Variants in TAL1 observed in about 807,000 individuals in gnomAD.
TAL1 encodes T-cell acute lymphocytic leukemia protein 1.
In TAL1, 8 loss-of-function variants were observed where a neutral mutation model predicts 17.9. The ratio of observed to expected loss-of-function variants is 0.45; its 90% CI spans 0.26 to 0.81. The LOEUF (loss-of-function observed/expected upper bound fraction) is 0.81, where lower values mean the gene tolerates loss of function less well. Among genes scored for constraint, TAL1 ranks in the 30% least tolerant of loss-of-function variants. The pLI, the probability that TAL1 is intolerant of heterozygous loss-of-function variation, is 0.17. For synonymous variants in TAL1, 223 were observed against 218.6 expected (o/e 1.02, Z -0.18); for missense variants, 466 against 486.9 (o/e 0.96, Z 0.40).
chr1:47,231,604 A>G (rs999346072), upstream of TAL1: 1 of 233,940 alleles, frequency 4.3e-6, no homozygotes, highest in Admixed American at 5.6e-5. Flanking sequence ...CACGCCCGAC[A>G]TAACGACGAC....
upstream of TAL1, chr1:47,231,700 C>T (rs867411329): frequency 1.5e-4 from 34 of 233,776 alleles, no homozygotes; most frequent in African/African-American, 7.3e-4. Context: ...CACAATCGTA[C>T]GCAACGAAGA....
chr1:47,230,525 G>C (rs868162737), upstream of TAL1: 11 of 152,102 alleles, frequency 7.2e-5, no homozygotes, highest in African/African-American at 2.7e-4. Flanking sequence ...GCGTGTTCGC[G>C]GGGGGTTAAT....
exon 4 of TAL1, chr1:47,216,829 T>C (rs1645504833): frequency 4.3e-6 from 1 of 231,474 alleles, no homozygotes; most frequent in Non-Finnish European, 8.5e-6. Flanking sequence ...TCTTTCCCCT[T>C]TGTACAGATG....
chr1:47,231,391 A>G (rs1472298070), upstream of TAL1, among the ~76,000 whole-genome samples: 3 of 146,410 alleles, frequency 2.0e-5, no homozygotes, highest in Non-Finnish European at 4.5e-5. Context: ...CGCACCTCTA[A>G]AGGACACAGG....
rs183583557 is a variant in TAL1 at position 47,226,290 on chromosome 1, G to C, written c.-1-401C>G. ...TCCCCTTTCTCAGGCCTAAAGGGAA[G>C]AGGAGGGAACAAATTCCGGATCGTG... is the stretch of plus-strand genomic sequence containing the variant. On this transcript the variant is annotated intron_variant, in intron 1 of 3. Coordinates refer to ENST00000294339, the Ensembl canonical transcript of TAL1. The C allele has an allele frequency of 3.7e-3, 674 of 181,378 alleles. 2 individuals carry two copies. The highest frequency in any genetic ancestry group is 6.0e-3 in the Non-Finnish European group (526 of 87,622). The allele number at this position is 181,378 out of a possible 1,614,324, so 11.2% of individuals were successfully genotyped here.
exon 4 of TAL1, chr1:47,217,734 A>G (rs1645525830): frequency 5.0e-6 from 2 of 398,634 alleles, no homozygotes; most frequent in Non-Finnish European, 8.8e-6. Flanking sequence ...CATCTCATAA[A>G]ACCCATCCAC....
At chr1:47,227,326 C>G (rs2148593760) in intron 1 of TAL1, 2 of 152,316 alleles carry the variant, frequency 1.3e-5, no homozygotes, top group Admixed American at 1.3e-4. Context: ...GCTTTCTGCT[C>G]TCTGAATTAT....
At chr1:47,219,739 T>A in exon 4 of TAL1, 1 of 1,610,074 alleles carries the variant, frequency 6.2e-7, no homozygotes, top group Non-Finnish European at 8.5e-7. Flanking sequence ...GCCGGCTCCA[T>A]CGGCGGCAGG....
At chr1:47,223,758 C>G (rs74074032) in intron 3 of TAL1, 1 of 461,262 alleles carries the variant, frequency 2.2e-6, no homozygotes, top group Non-Finnish European at 3.9e-6. Flanking sequence ...TTGGGCTAAG[C>G]GCCATTATGT....
At chr1:47,227,300 A>G (rs561151160) in intron 1 of TAL1, 4 of 152,362 alleles carry the variant, frequency 2.6e-5, no homozygotes, top group Middle Eastern at 3.4e-3. Flanking sequence ...AACACCACAT[A>G]AGTTGTTTAA....
chr1:47,221,130 T>A (rs1400595586), intron 3 of TAL1, among the ~76,000 whole-genome samples: 1 of 152,166 alleles, frequency 6.6e-6, no homozygotes. Context: ...GGGGGGACTT[T>A]ATCCTAAGGG....
At chr1:47,218,488 C>T (rs1159378376) in exon 4 of TAL1, 1 of 232,700 alleles carries the variant, frequency 4.3e-6, no homozygotes. Context: ...TTGCATTAAA[C>T]CAACCTCCCA....
At chr1:47,219,137 A>C (rs1397675266) in exon 4 of TAL1, 1 of 421,094 alleles carries the variant, frequency 2.4e-6, no homozygotes, top group Non-Finnish European at 4.5e-6. Context: ...CAGACTGTCC[A>C]CTGATCATCT....
At chr1:47,219,108 C>T (rs1400846968) in exon 4 of TAL1, 12 of 349,866 alleles carry the variant, frequency 3.4e-5, no homozygotes, top group East Asian at 1.3e-4. Flanking sequence ...CCTGACCCTC[C>T]GGCCCAGCTC....
chr1:47,228,102 G>A (rs777823911), intron 1 of TAL1: 1 of 155,296 alleles, frequency 6.4e-6, no homozygotes, highest in African/African-American at 2.4e-5. Context: ...ATTGACCCTG[G>A]CCACAAATGT....
rs77827673 is a variant in TAL1, at chr1:47,228,760, G to C, written c.-2+436C>G. 7.0e-3 allele frequency: 1,125 copies of C among 160,454 alleles called. 12 individuals are homozygous for C. Among genetic ancestry groups the C allele is most frequent in the African/African-American group, 0.025 (1,026 of 41,848 alleles). 9.9% of individuals were successfully genotyped at this position (160,454 alleles called of 1,614,324 possible). On this transcript the variant is annotated intron_variant, in intron 1 of 3. Coordinates refer to ENST00000294339, the Ensembl canonical transcript of TAL1. ...CCATCCTCGCCTCTACCGGAGAAGA[G>C]GGGTGTTCCTGCCTCCCCACCCTAG...
At chr1:47,225,623 G>A in exon 2 of TAL1, 1 of 1,382,134 alleles carries the variant, frequency 7.2e-7, no homozygotes, top group Middle Eastern at 2.6e-4. Context: ...CTCGGTGGTG[G>A]GCACCCGATG....
At chr1:47,229,992 C>T (rs1051009950), upstream of TAL1, 4 of 152,170 alleles carry the variant, frequency 2.6e-5, no homozygotes, top group African/African-American at 9.7e-5. Flanking sequence ...TGTTCAGGTC[C>T]TTTCTCGTCT....
At chr1:47,223,972 G>A (rs1334811204) in intron 3 of TAL1, 32 bp downstream of exon 4, 3 of 1,594,580 alleles carry the variant, frequency 1.9e-6, no homozygotes, top group Non-Finnish European at 2.6e-6. Context: ...AGCGTGAGGG[G>A]CAGGTACAAC....
Sources: gnomAD v4.1 joint callset for allele counts (sites outside exome capture counted in the v4.1 genomes callset) on GRCh38, gnomAD v4.1.1 for gene constraint, MANE v1.5 for transcripts, NCBI Gene and HGNC (gene_info 2026-07-23, HGNC 2026-07-21) for gene names.